Variants in NR3C2 observed in about 807,000 individuals in gnomAD.
NR3C2 encodes nuclear receptor subfamily 3 group C member 2.
Under a neutral mutation model 86.4 loss-of-function variants are expected in NR3C2, and 15 were observed. The ratio of observed to expected loss-of-function variants is 0.17; its 90% confidence interval spans 0.12 to 0.27. NR3C2 has a LOEUF of 0.27. Among genes scored for constraint, NR3C2 ranks in the 10% least tolerant of loss-of-function variants. NR3C2 has a pLI of 1.00. For missense variants in NR3C2, 960 were observed against 1,195.6 expected (o/e 0.80, Z 2.91); for synonymous variants, 458 against 450.5 (o/e 1.02, Z -0.21).
intron 2 of NR3C2, among the ~76,000 whole-genome samples, chr4:148,349,334 CTATTT>C (rs1459722209): frequency 1.3e-5 from 2 of 151,928 alleles, no homozygotes; most frequent in Non-Finnish European, 2.9e-5. Context: ...GGCTGACTCT[CTATTT>C]TTTTTTTCTA....
chr4:148,359,482 C>T (rs1369815203), intron 2 of NR3C2, among the ~76,000 whole-genome samples: 2 of 152,154 alleles, frequency 1.3e-5, no homozygotes, highest in Non-Finnish European at 2.9e-5. Flanking sequence ...TTTTACCATT[C>T]ACAAATGGCA....
intron 6 of NR3C2, among the ~76,000 whole-genome samples, chr4:148,142,506 C>T (rs1733660301): frequency 6.6e-6 from 1 of 151,978 alleles, no homozygotes; most frequent in South Asian, 2.1e-4. Context: ...TCTTCCCCAC[C>T]CCCGAAAGGG....
At chr4:148,350,699 A>G (rs765768205) in intron 2 of NR3C2, among the ~76,000 whole-genome samples, 1 of 151,880 alleles carries the variant, frequency 6.6e-6, no homozygotes, top group Non-Finnish European at 1.5e-5. Flanking sequence ...TTCAGACCAC[A>G]CTCTAATCTT....
At chr4:148,115,149 A>G (rs146079628) in intron 7 of NR3C2, among the ~76,000 whole-genome samples, 120 of 152,308 alleles carry the variant, frequency 7.9e-4, no homozygotes, top group African/African-American at 2.6e-3. Context: ...ACTAAGGACA[A>G]TATTTTCTTC....
intron 8 of NR3C2, among the ~76,000 whole-genome samples, chr4:148,082,871 G>A (rs1471366780): frequency 6.6e-6 from 1 of 152,006 alleles, no homozygotes; most frequent in African/African-American, 2.4e-5. Flanking sequence ...CGGGATGCTC[G>A]AGCTTGGTGG....
At chr4:148,126,794 G>A (rs372442503) in intron 6 of NR3C2, among the ~76,000 whole-genome samples, 8 of 152,000 alleles carry the variant, frequency 5.3e-5, no homozygotes, top group Non-Finnish European at 1.0e-4. Flanking sequence ...TGGATTACCC[G>A]CCACCCACCA....
intron 4 of NR3C2, among the ~76,000 whole-genome samples, chr4:148,160,716 T>C (rs1322687057): frequency 1.3e-5 from 2 of 152,174 alleles, no homozygotes; most frequent in Admixed American, 6.5e-5. Flanking sequence ...TATTAAAATA[T>C]ATATATTTTC....
chr4:148,290,720 C>A (rs1291944444), intron 2 of NR3C2, among the ~76,000 whole-genome samples: 1 of 152,146 alleles, frequency 6.6e-6, no homozygotes, highest in African/African-American at 2.4e-5. Flanking sequence ...CATACATGAA[C>A]CTGAAATATA....
At chr4:148,347,646 T>G (rs1193855034) in intron 2 of NR3C2, among the ~76,000 whole-genome samples, 1 of 152,082 alleles carries the variant, frequency 6.6e-6, no homozygotes, top group African/African-American at 2.4e-5. Flanking sequence ...CTACTAACTT[T>G]CCCAAAGCGT....
At chr4:148,120,047 G>T in intron 7 of NR3C2, 111 bp downstream of exon 7, 3 of 1,377,808 alleles carry the variant, frequency 2.2e-6, no homozygotes, top group Non-Finnish European at 3.1e-6. Flanking sequence ...GTTTCTGTTT[G>T]GTTTGTTTTT....
At chr4:148,312,136 C>T (rs1742933110) in intron 2 of NR3C2, among the ~76,000 whole-genome samples, 1 of 152,118 alleles carries the variant, frequency 6.6e-6, no homozygotes, top group Non-Finnish European at 1.5e-5. Context: ...TCGTGGAAGC[C>T]AATTCTTAAC....
chr4:148,374,065 T>A (rs1746554295), intron 2 of NR3C2, among the ~76,000 whole-genome samples: 1 of 152,194 alleles, frequency 6.6e-6, no homozygotes, highest in South Asian at 2.1e-4. Flanking sequence ...TTATCTGTAC[T>A]GGAACATCTT....
chr4:148,193,493 C>G (rs1323888848), intron 4 of NR3C2, among the ~76,000 whole-genome samples: 1 of 152,212 alleles, frequency 6.6e-6, no homozygotes, highest in Non-Finnish European at 1.5e-5. Context: ...GCCTCCTGTC[C>G]ACCATGATCC....
At chr4:148,350,579 T>C (rs1745224986) in intron 2 of NR3C2, among the ~76,000 whole-genome samples, 1 of 152,210 alleles carries the variant, frequency 6.6e-6, no homozygotes, top group African/African-American at 2.4e-5. Flanking sequence ...AATAGTCTCC[T>C]AACCCATCTC....
At chr4:148,308,503 C>T (rs1301642760) in intron 2 of NR3C2, among the ~76,000 whole-genome samples, 1 of 151,862 alleles carries the variant, frequency 6.6e-6, no homozygotes, top group Non-Finnish European at 1.5e-5. Flanking sequence ...CACTGCATTA[C>T]TCATATGTGG....
intron 2 of NR3C2, among the ~76,000 whole-genome samples, chr4:148,421,558 C>T (rs533125953): frequency 2.8e-4 from 43 of 152,270 alleles, no homozygotes; most frequent in African/African-American, 7.0e-4. Flanking sequence ...ATGGATTCAA[C>T]GCCTGGAAAT....
chr4:148,420,785 C>G (rs1288333843), intron 2 of NR3C2, among the ~76,000 whole-genome samples: 1 of 152,146 alleles, frequency 6.6e-6, no homozygotes, highest in Non-Finnish European at 1.5e-5. Flanking sequence ...TGATAGGGTT[C>G]TCATGAGATC....
chr4:148,242,362 T>C (rs1472499406), intron 3 of NR3C2, among the ~76,000 whole-genome samples: 1 of 152,196 alleles, frequency 6.6e-6, no homozygotes, highest in Non-Finnish European at 1.5e-5. Context: ...TGGAAAGCAA[T>C]CTGGCAACAT....
intron 2 of NR3C2, among the ~76,000 whole-genome samples, chr4:148,260,992 AT>A: frequency 6.6e-6 from 1 of 152,212 alleles, no homozygotes; most frequent in Non-Finnish European, 1.5e-5. Flanking sequence ...AAACAAGTTG[AT>A]TTTTCAATTT....
Sources: allele counts gnomAD v4.1 joint callset (sites outside exome capture counted in the v4.1 genomes callset), GRCh38; gene constraint gnomAD v4.1.1; transcripts MANE v1.5; gene names NCBI Gene and HGNC (gene_info 2026-07-23, HGNC 2026-07-21).